The following DDX31 variants were observed in gnomAD, a reference collection of about 807,000 sequenced individuals.
DDX31 encodes the protein ATP-dependent DNA helicase DDX31.
A neutral mutation model predicts 91.3 loss-of-function variants in DDX31; 70 were observed. The observed-to-expected ratio is 0.77, with a 90% CI of 0.63 to 0.94. DDX31 has a LOEUF of 0.94. Among genes scored for constraint, DDX31 ranks in the 40% least tolerant of loss-of-function variants. The probability of loss-of-function intolerance (pLI) is 0.00; values close to 1 mark genes in which losing one functional copy is unlikely to be tolerated. For synonymous variants in DDX31, 362 were observed against 350.6 expected, an observed-to-expected ratio of 1.03 and a Z score of -0.36; for missense variants, 902 against 925.0, an observed-to-expected ratio of 0.98 and a Z score of 0.32.
chr9:132,667,049 G>A (rs939971694), intron 1 of DDX31, among the ~76,000 whole-genome samples: 39 of 151,502 alleles, frequency 2.6e-4, no homozygotes, highest in Admixed American at 7.9e-4. Context: ...GGGTTTCACC[G>A]TGTTGGCCAG....
chr9:132,661,421 C>G (rs1834936681), intron 3 of DDX31, among the ~76,000 whole-genome samples, 170 bp from the exon 4 acceptor site: 1 of 152,234 alleles, frequency 6.6e-6, no homozygotes. Flanking sequence ...CCCGCCCTAA[C>G]TCCCTGGGGA....
chr9:132,643,708 G>C (rs748583549), intron 13 of DDX31, among the ~76,000 whole-genome samples: 15 of 152,156 alleles, frequency 9.9e-5, no homozygotes, highest in Admixed American at 9.8e-4. Context: ...GTAAAGGGCC[G>C]GAATGATATC....
In DDX31 at chr9:132,661,236, T is replaced by C. The variant is rs1245532034; in HGVS notation, c.424A>G (p.Thr142Ala). The C allele has an allele frequency of 1.2e-6, 2 of 1,607,336 alleles. No individual in the cohort carries two copies. The highest frequency in any genetic ancestry group is 1.7e-6 in the Non-Finnish European group (2 of 1,176,292). ...GTCATACTAGACATTTTTAAGACCG[T>C]ATTTATTGTGGAAATCTAAAAGAGG... ...LHPHLISTIN[T>A]VLKMSSMTSV... The change falls in exon 4 of 20, where the codon ACG becomes GCG. Residue 142 changes from threonine to alanine, a missense_variant. Physicochemically the swap from Thr to Ala is moderately conservative, Grantham distance 58. Coordinates refer to ENST00000372159, the MANE Select transcript of DDX31 (RefSeq NM_022779.9).
chr9:132,612,070 A>C lies in DDX31; in HGVS notation c.1994+17T>G. 6.8e-6 allele frequency: 11 copies of C among 1,609,550 alleles called. No individual in the cohort carries two copies. Among genetic ancestry groups the C allele is most frequent in the Non-Finnish European group, 9.4e-6 (11 of 1,176,350 alleles). On this transcript the variant is annotated intron_variant, in intron 19 of 19. Transcript: ENST00000372159. ...AGCTCTCTAGCCCCGTCACGGGACG[A>C]ATTCAGCTCATCTTACCTTTTCACG...
rs1833894052 is a variant in DDX31, at chr9:132,647,149, A to G, written c.968-91T>C. 18 of 1,164,000 alleles carry G rather than the reference A, an allele frequency of 1.5e-5. No homozygotes were observed. In the South Asian group the frequency reaches 2.4e-4, roughly 16 times the overall value. The allele number at this position is 1,164,000 out of a possible 1,614,324, so 72.1% of individuals were successfully genotyped here. ...ACCCCCATACAGCACCCACCCATGT[A>G]TGTTAGGACTACGTATGTTACCCCA... On this transcript the variant is annotated intron_variant, in intron 11 of 19. Coordinates refer to ENST00000372159, the MANE Select transcript of DDX31 (RefSeq NM_022779.9).
intron 17 of DDX31, among the ~76,000 whole-genome samples, chr9:132,623,917 A>G (rs1321137364): frequency 6.6e-6 from 1 of 152,202 alleles, no homozygotes; most frequent in African/African-American, 2.4e-5. Flanking sequence ...CTGTAATCCC[A>G]GCACTTTGGG....
chr9:132,643,720 G>A (rs1467003853), intron 13 of DDX31, among the ~76,000 whole-genome samples: 2 of 152,180 alleles, frequency 1.3e-5, no homozygotes, highest in Non-Finnish European at 1.5e-5. Flanking sequence ...AATGATATCC[G>A]AACCCAGGGA....
intron 5 of DDX31, among the ~76,000 whole-genome samples, chr9:132,659,078 C>T (rs1834768993): frequency 6.6e-6 from 1 of 152,190 alleles, no homozygotes; most frequent in African/African-American, 2.4e-5. Context: ...TCCTCCCTAC[C>T]CTCTCAGATG....
intron 17 of DDX31, among the ~76,000 whole-genome samples, chr9:132,618,830 A>T (rs952985149): frequency 1.3e-5 from 2 of 152,164 alleles, no homozygotes; most frequent in Non-Finnish European, 2.9e-5. Context: ...CCTTTCCCTC[A>T]CGCGCATCAG....
chr9:132,638,627 T>C (rs1247784208), intron 14 of DDX31, among the ~76,000 whole-genome samples: 2 of 152,218 alleles, frequency 1.3e-5, no homozygotes, highest in Non-Finnish European at 2.9e-5. Context: ...GACTCCATCT[T>C]ACCATAGCCA....
chr9:132,617,053 G>A (rs1831681403), intron 18 of DDX31, among the ~76,000 whole-genome samples: 1 of 152,086 alleles, frequency 6.6e-6, no homozygotes, highest in Non-Finnish European at 1.5e-5. Context: ...TCAAACCTAA[G>A]TCAGATCCCA....
intron 19 of DDX31, among the ~76,000 whole-genome samples, chr9:132,602,872 G>A (rs1830793149): frequency 6.6e-6 from 1 of 152,286 alleles, no homozygotes; most frequent in South Asian, 2.1e-4. Context: ...TTGGTTACAC[G>A]AGTAGTTATC....
rs138482670 is a variant in DDX31, at chr9:132,664,879, C to G, written c.76-2184G>C. Among the ~76,000 whole-genome samples, 659 of 152,216 alleles carry G rather than the reference C, an allele frequency of 4.3e-3. 9 individuals are homozygous for G. Among genetic ancestry groups the G allele is most frequent in the African/African-American group, 0.014 (594 of 41,536 alleles). ...CCTCCTCCTTTGCACATGCTACTCC[C>G]ACATCCAGGACTCCACTCTGCCCTC... On this transcript the variant is annotated intron_variant, in intron 1 of 19. Transcript: ENST00000372159.
chr9:132,641,351 C>A (rs1226397883), intron 14 of DDX31, among the ~76,000 whole-genome samples: 1 of 152,232 alleles, frequency 6.6e-6, no homozygotes, highest in Non-Finnish European at 1.5e-5. Context: ...GATTAAGTTA[C>A]ATCATCCAAG....
chr9:132,669,470 T>TA (rs58679432), intron 1 of DDX31: 27,376 of 639,648 alleles, frequency 0.043, 237 homozygotes, highest in African/African-American at 0.1. Flanking sequence ...GTGGGCAAGA[T>TA]AAAAAAAAAA....
At chr9:132,607,689 ATTTTTT>A (rs1014282807) in intron 19 of DDX31, among the ~76,000 whole-genome samples, 1 of 152,068 alleles carries the variant, frequency 6.6e-6, no homozygotes, top group African/African-American at 2.4e-5. Context: ...TTTTATTTTT[ATTTTTT>A]AGAGATGGTG....
At chr9:132,659,533 C>T (rs768124865) in intron 5 of DDX31, among the ~76,000 whole-genome samples, 177 bp downstream of exon 5, 9 of 152,216 alleles carry the variant, frequency 5.9e-5, no homozygotes, top group Non-Finnish European at 1.0e-4. Flanking sequence ...GTACCATCAA[C>T]TGTCCCCTTC....
At chr9:132,645,824 C>A in intron 13 of DDX31, 71 bp downstream of exon 13, 1 of 1,497,714 alleles carries the variant, frequency 6.7e-7, no homozygotes, top group South Asian at 1.3e-5. Flanking sequence ...CCAGGTTTGC[C>A]GGACTCAGGT....
intron 6 of DDX31, among the ~76,000 whole-genome samples, chr9:132,653,937 C>A (rs1834388213): frequency 6.6e-6 from 1 of 151,884 alleles, no homozygotes; most frequent in Non-Finnish European, 1.5e-5. Flanking sequence ...GATACTGGCA[C>A]ATGAATAGAG....
Sources: gnomAD v4.1 joint callset for allele counts (sites outside exome capture counted in the v4.1 genomes callset) on GRCh38, gnomAD v4.1.1 for gene constraint, MANE v1.5 for transcripts, NCBI Gene and HGNC (gene_info 2026-07-23, HGNC 2026-07-21) for gene names.